The following SUN1 variants were observed in gnomAD, a reference collection of about 807,000 sequenced individuals.
The protein encoded by SUN1 is Sad1 and UNC84 domain containing 1, also known as SUN domain-containing protein 1.
In SUN1, 61 loss-of-function variants were observed where a neutral mutation model predicts 103.2. The ratio of observed to expected loss-of-function variants is 0.59; its 90% CI spans 0.48 to 0.73. SUN1 has a LOEUF of 0.73. Ranked by LOEUF, SUN1 falls within the 30% of genes least tolerant of loss-of-function variation. The probability of loss-of-function intolerance (pLI) is 0.00; values close to 1 mark genes in which losing one functional copy is unlikely to be tolerated. For missense variants in SUN1, 1,052 were observed against 1,034.6 expected, an observed-to-expected ratio of 1.02 and a Z score of -0.23; for synonymous variants, 490 against 425.7, an observed-to-expected ratio of 1.15 and a Z score of -1.86.
chr7:861,545 C>A, intron 15 of SUN1, 81 bp downstream of exon 15: 1 of 1,397,268 alleles, frequency 7.2e-7, no homozygotes, highest in Non-Finnish European at 1.0e-6. Flanking sequence ...TGTTGCCTAC[C>A]CCACTTCCAG....
chr7:817,030 C>A, intron 1 of SUN1: 1 of 159,602 alleles, frequency 6.3e-6, no homozygotes, highest in South Asian at 1.7e-4. Context: ...AGCGTCCTCC[C>A]CGCGTTCTCA....
rs1051171005 is a variant in SUN1, at chr7:873,930, T to C, written c.*599T>C. ...TCTGAGGAAGGTTTCCAGTCAGGAC[T>C]CGCTGTACCAATATCCATGGAGGAA... On this transcript the variant is annotated 3_prime_UTR_variant, in exon 19 of 19. Coordinates refer to ENST00000401592, the MANE Select transcript of SUN1 (RefSeq NM_001130965.3). The C allele has an allele frequency of 6.6e-6, 1 of 152,566 alleles. No homozygotes were observed. The highest frequency in any genetic ancestry group is 2.4e-5 in the African/African-American group (1 of 41,468). 9.5% of individuals were successfully genotyped at this position (152,566 alleles called of 1,614,324 possible).
intron 7 of SUN1, 171 bp downstream of exon 7, chr7:852,214 A>G: frequency 1.5e-6 from 1 of 667,136 alleles, no homozygotes; most frequent in Non-Finnish European, 2.5e-6. Flanking sequence ...AACCTGTGAG[A>G]TAAGAAAAGC....
chr7:861,377 C>T lies in SUN1; in HGVS notation c.1780-3C>T. On this transcript the variant is annotated splice_region_variant and splice_polypyrimidine_tract_variant and intron_variant, in intron 14 of 18. Transcript: ENST00000401592. ...TGGTCTTCCGTCCCTCGTGTCTGTCCAGCAAGCACGTGCCATCGTGAACAG... is the reference window on the plus strand; with the variant it reads ...TGGTCTTCCGTCCCTCGTGTCTGTCTAGCAAGCACGTGCCATCGTGAACAG... The T allele has an allele frequency of 3.7e-6, 6 of 1,614,154 alleles. No homozygotes were observed. Among genetic ancestry groups the T allele is most frequent in the South Asian group, 1.1e-5 (1 of 91,084 alleles).
intron 5 of SUN1, chr7:850,537 A>G (rs189386101): frequency 6.4e-6 from 1 of 155,190 alleles, no homozygotes; most frequent in East Asian, 1.9e-4. Context: ...ACATAAAGCC[A>G]TTGATTTTTC....
rs1478027891 is a variant in SUN1, at chr7:860,186, G to C, written c.1583G>C (p.Gly528Ala). The C allele has an allele frequency of 6.2e-7, 1 of 1,614,246 alleles. No individual in the cohort carries two copies. Among genetic ancestry groups the C allele is most frequent in the East Asian group, 2.2e-5 (1 of 44,892 alleles). ...CTGTTTTCCGAAGATCAGCAAGGCG[G>C]TTCTCTGGAACAGCTGCTGCAGAGG... ...KLLFSEDQQG[G>A]SLEQLLQRFS... is the part of the protein sequence containing the mutation. The change falls in exon 14 of 19, where the codon GGT (glycine) becomes GCT (alanine). Residue 528 changes from glycine to alanine, a missense_variant. Physicochemically the swap from Gly to Ala is moderately conservative, Grantham distance 60. Transcript: ENST00000401592.
intron 1 of SUN1, among the ~76,000 whole-genome samples, chr7:820,624 G>A (rs1785027287): frequency 1.3e-5 from 2 of 152,136 alleles, no homozygotes; most frequent in African/African-American, 4.8e-5. Context: ...GAAAGTGGCC[G>A]CCCTTGTCTT....
At chr7:849,876 TTTGC>T (rs1820233110) in intron 5 of SUN1, 1 of 1,558,236 alleles carries the variant, frequency 6.4e-7, no homozygotes, top group African/African-American at 1.4e-5. Flanking sequence ...ATGGACAGAG[TTTGC>T]TTGTGAATCC....
intron 1 of SUN1, chr7:817,286 G>A: frequency 1.3e-6 from 1 of 788,946 alleles, no homozygotes; most frequent in Admixed American, 2.1e-5. Context: ...GTAGGGTTGT[G>A]GTCTCTCCAT....
At chr7:832,836 C>G (rs964619850) in intron 1 of SUN1, 6 of 490,258 alleles carry the variant, frequency 1.2e-5, no homozygotes, top group Admixed American at 7.1e-5. Context: ...ACATGGCTTG[C>G]TGGCTTCGAC....
intron 1 of SUN1, among the ~76,000 whole-genome samples, chr7:822,966 A>G (rs933793543): frequency 6.6e-6 from 1 of 151,996 alleles, no homozygotes; most frequent in Non-Finnish European, 1.5e-5. Context: ...ATTCCCACAC[A>G]CACACGGCCC....
At chr7:844,843 C>A (rs2128314508) in intron 5 of SUN1, among the ~76,000 whole-genome samples, 1 of 152,250 alleles carries the variant, frequency 6.6e-6, no homozygotes, top group South Asian at 2.1e-4. Context: ...TGGAGCTGAA[C>A]CCAGGCGTCT....
At chr7:850,110 A>G in intron 5 of SUN1, 1 of 1,337,656 alleles carries the variant, frequency 7.5e-7, no homozygotes, top group Non-Finnish European at 1.0e-6. Context: ...TGTGCTTGGA[A>G]TTCAAGTGCT....
intron 16 of SUN1, among the ~76,000 whole-genome samples, chr7:866,561 T>TGG (rs1836819114): frequency 1.2e-4 from 7 of 57,718 alleles, no homozygotes; most frequent in South Asian, 6.3e-4. Flanking sequence ...CATCTCCCCG[T>TGG]ACCTTCGCCC....
At chr7:821,762 C>G (rs558152063) in intron 1 of SUN1, among the ~76,000 whole-genome samples, 1 of 152,270 alleles carries the variant, frequency 6.6e-6, no homozygotes, top group Admixed American at 6.5e-5. Flanking sequence ...TGTTGAATTG[C>G]ATGTCATAAC....
intron 1 of SUN1, 147 bp downstream of exon 1, chr7:832,748 C>A: frequency 1.5e-6 from 1 of 680,226 alleles, no homozygotes; most frequent in Non-Finnish European, 2.5e-6. Context: ...TATCTTATGG[C>A]TTTAGAGGTG....
At chr7:820,177 A>C (rs1784661630) in intron 1 of SUN1, among the ~76,000 whole-genome samples, 1 of 152,210 alleles carries the variant, frequency 6.6e-6, no homozygotes. Flanking sequence ...CTGCTATCCT[A>C]ACAGTACCTA....
chr7:817,146 G>C (rs1402919141), intron 1 of SUN1: 2 of 425,948 alleles, frequency 4.7e-6, no homozygotes, highest in East Asian at 5.0e-5. Flanking sequence ...TTATTTAAGA[G>C]GGGGGGTCTC....
intron 15 of SUN1, among the ~76,000 whole-genome samples, chr7:862,504 G>A (rs1290809447): frequency 6.6e-6 from 1 of 152,248 alleles, no homozygotes; most frequent in South Asian, 2.1e-4. Flanking sequence ...GGCTACTGGT[G>A]TGATCGGTGT....
Sources: gnomAD v4.1 joint callset for allele counts (sites outside exome capture counted in the v4.1 genomes callset) on GRCh38, gnomAD v4.1.1 for gene constraint, MANE v1.5 for transcripts, NCBI Gene and HGNC (gene_info 2026-07-23, HGNC 2026-07-21) for gene names.